The following NLGN1 variants were observed in gnomAD, a reference collection of about 807,000 sequenced individuals.
NLGN1 encodes neuroligin 1.
Under a neutral mutation model 65.5 loss-of-function variants are expected in NLGN1, and 12 were observed. The observed-to-expected ratio is 0.18, with a 90% CI of 0.12 to 0.30. The LOEUF is 0.30. NLGN1 is among the 10% of genes least tolerant of loss of function. The probability of loss-of-function intolerance (pLI) is 1.00; values close to 1 mark genes in which losing one functional copy is unlikely to be tolerated. For missense variants in NLGN1, 750 were observed against 1,007.1 expected, an observed-to-expected ratio of 0.74 and a Z score of 3.46; for synonymous variants, 350 against 359.5, an observed-to-expected ratio of 0.97 and a Z score of 0.30.
intron 2 of NLGN1, among the ~76,000 whole-genome samples, chr3:173,526,064 T>C (rs1441075573): frequency 2.6e-5 from 4 of 152,116 alleles, no homozygotes; most frequent in Non-Finnish European, 5.9e-5. Context: ...ATGAGCAAAA[T>C]GTATATTCTG....
At chr3:173,702,066 C>T (rs574290952) in intron 3 of NLGN1, among the ~76,000 whole-genome samples, 2 of 151,590 alleles carry the variant, frequency 1.3e-5, no homozygotes, top group South Asian at 2.1e-4. Context: ...GGTGAAACCC[C>T]GTCTCTACTA....
Position 173,605,092 on chromosome 3 carries a change from G to A in NLGN1, c.493+1G>A. On this transcript the variant is annotated splice_donor_variant, in intron 3 of 6. Coordinates refer to ENST00000457714, the Ensembl canonical transcript of NLGN1. LOFTEE classifies it high-confidence loss of function. ...AATATATATGTCCCGACTGAGGATG[G>A]TGAGTTTATTGCAGGAAAAACAGGG... The A allele has an allele frequency of 1.3e-6, 2 of 1,599,570 alleles. No individual in the cohort carries two copies. The highest frequency in any genetic ancestry group is 1.7e-6 in the Non-Finnish European group (2 of 1,173,302).
chr3:173,737,768 A>G (rs1413948635), intron 3 of NLGN1, among the ~76,000 whole-genome samples: 2 of 152,036 alleles, frequency 1.3e-5, no homozygotes, highest in Non-Finnish European at 2.9e-5. Context: ...CAGATTGTCT[A>G]CTTAGAAGTA....
chr3:174,073,088 T>G (rs1740238810), intron 4 of NLGN1, among the ~76,000 whole-genome samples: 1 of 152,132 alleles, frequency 6.6e-6, no homozygotes, highest in Non-Finnish European at 1.5e-5. Context: ...TGTATGATAT[T>G]GATATAAATA....
At chr3:173,605,053 A>C in exon 3 of NLGN1, 1 of 1,612,998 alleles carries the variant, frequency 6.2e-7, no homozygotes, top group Non-Finnish European at 8.5e-7. Context: ...CAGAGCGAAG[A>C]CTGCCTATAT....
At chr3:173,413,830 T>C (rs1713107493) in intron 1 of NLGN1, among the ~76,000 whole-genome samples, 1 of 152,126 alleles carries the variant, frequency 6.6e-6, no homozygotes, top group Non-Finnish European at 1.5e-5. Flanking sequence ...GGCTACCCTA[T>C]GGGCAAAAGG....
chr3:174,259,585 A>G (rs1288216327), intron 4 of NLGN1, among the ~76,000 whole-genome samples: 1 of 152,202 alleles, frequency 6.6e-6, no homozygotes, highest in Non-Finnish European at 1.5e-5. Context: ...ATTTTGGCTT[A>G]CAAAACTGTT....
rs76645176 is a variant in NLGN1 at position 174,009,387 on chromosome 3, G to A, written c.646+201555G>A. ...GAAGTATTAATGAAAATATCTAACA[G>A]CAATTGAGTGTTTATTATATGTCAT... On this transcript the variant is annotated intron_variant, in intron 4 of 6. Coordinates refer to ENST00000457714, the Ensembl canonical transcript of NLGN1. Among the ~76,000 whole-genome samples the A allele has an allele frequency of 8.7e-3, 1,318 of 152,184 alleles. 7 individuals are homozygous for A. Among genetic ancestry groups the A allele is most frequent in the Middle Eastern group, 0.034 (10 of 294 alleles).
intron 4 of NLGN1, among the ~76,000 whole-genome samples, chr3:174,153,376 A>G (rs1194228628): frequency 6.6e-6 from 1 of 152,122 alleles, no homozygotes; most frequent in Non-Finnish European, 1.5e-5. Flanking sequence ...GGTGGACATG[A>G]TATTCACTTT....
At chr3:174,076,864 C>T (rs1741120310) in intron 4 of NLGN1, among the ~76,000 whole-genome samples, 1 of 151,874 alleles carries the variant, frequency 6.6e-6, no homozygotes, top group Non-Finnish European at 1.5e-5. Flanking sequence ...ATCTATGTGG[C>T]TGTTACTTTT....
At chr3:173,621,823 T>G (rs536693571) in intron 3 of NLGN1, among the ~76,000 whole-genome samples, 27 of 152,182 alleles carry the variant, frequency 1.8e-4, no homozygotes, top group African/African-American at 6.0e-4. Context: ...AAATCCTATT[T>G]CCAAATCTAC....
At position 173,454,130 on chromosome 3, in the gene NLGN1, G is replaced by A. The variant is rs1000789292; in HGVS notation, c.-321+19052G>A. Among the ~76,000 whole-genome samples the A allele has an allele frequency of 4.6e-5, 7 of 152,278 alleles. No homozygotes were observed. The East Asian group carries it at 9.6e-4, about 21-fold the overall frequency. On this transcript the variant is annotated intron_variant, in intron 2 of 6. Transcript: ENST00000457714. ...CATTGTCAATGAGCAGTAATATTTTGAGAGACATTTTATTCCTGAACAGCA... is the reference window on the plus strand; with the variant it reads ...CATTGTCAATGAGCAGTAATATTTTAAGAGACATTTTATTCCTGAACAGCA...
At chr3:174,245,895 A>C (rs1196555538) in intron 4 of NLGN1, among the ~76,000 whole-genome samples, 1 of 152,200 alleles carries the variant, frequency 6.6e-6, no homozygotes, top group Non-Finnish European at 1.5e-5. Flanking sequence ...ATATTGTGGA[A>C]GTTAATTGGC....
intron 4 of NLGN1, among the ~76,000 whole-genome samples, chr3:174,066,554 C>CTGTG (rs1330249971): frequency 4.3e-4 from 57 of 133,056 alleles, no homozygotes; most frequent in African/African-American, 1.6e-3. Context: ...CTCTCTCTCT[C>CTGTG]TCTCTCTCTC....
chr3:173,777,140 A>G (rs1780416915), intron 3 of NLGN1, among the ~76,000 whole-genome samples: 1 of 151,942 alleles, frequency 6.6e-6, no homozygotes, highest in Non-Finnish European at 1.5e-5. Flanking sequence ...AAGGATAATA[A>G]CAGTACCTAC....
At chr3:174,264,904 G>C (rs370460663) in intron 4 of NLGN1, among the ~76,000 whole-genome samples, 39 of 152,086 alleles carry the variant, frequency 2.6e-4, no homozygotes, top group Admixed American at 9.2e-4. Context: ...TTCTAACAGA[G>C]AGGACCCTCA....
chr3:174,251,250 A>G (rs1226530876), intron 4 of NLGN1, among the ~76,000 whole-genome samples: 1 of 152,222 alleles, frequency 6.6e-6, no homozygotes, highest in African/African-American at 2.4e-5. Context: ...GTAATGATGT[A>G]AGAAAATTCT....
chr3:173,596,000 C>G (rs1254817461), intron 2 of NLGN1, among the ~76,000 whole-genome samples: 1 of 152,202 alleles, frequency 6.6e-6, no homozygotes, highest in Non-Finnish European at 1.5e-5. Context: ...CAAACCATAT[C>G]ATGTGTGTTA....
intron 4 of NLGN1, among the ~76,000 whole-genome samples, chr3:174,051,830 G>T (rs146906498): frequency 1.6e-3 from 238 of 152,020 alleles, no homozygotes; most frequent in African/African-American, 5.4e-3. Context: ...ATCCCTCACA[G>T]GCAGATTGGC....
Sources: allele counts gnomAD v4.1 joint callset (sites outside exome capture counted in the v4.1 genomes callset), GRCh38; gene constraint gnomAD v4.1.1; transcripts MANE v1.5; gene names NCBI Gene and HGNC (gene_info 2026-07-23, HGNC 2026-07-21).